Variants in FARP1 observed in about 807,000 individuals in gnomAD.
The protein encoded by FARP1 is FERM, ARH/RhoGEF and pleckstrin domain protein 1.
In FARP1, 52 loss-of-function variants were observed where a neutral mutation model predicts 128.8. That is an observed-to-expected ratio of 0.40 (90% confidence interval 0.32 to 0.51). The LOEUF (loss-of-function observed/expected upper bound fraction) is 0.51. FARP1 is among the 20% of genes least tolerant of loss of function. The pLI, the probability that FARP1 is intolerant of heterozygous loss-of-function variation, is 0.45. For synonymous variants in FARP1, 580 were observed against 551.8 expected, an observed-to-expected ratio of 1.05 and a Z score of -0.72; for missense variants, 1,333 against 1,367.9, an observed-to-expected ratio of 0.97 and a Z score of 0.40.
intron 1 of FARP1, among the ~76,000 whole-genome samples, chr13:98,164,223 AT>A (rs1566683899): frequency 6.6e-6 from 1 of 152,160 alleles, no homozygotes; most frequent in Non-Finnish European, 1.5e-5. Flanking sequence ...GTTTGCCTCC[AT>A]TTGTTAATTT....
At chr13:98,346,350 C>T (rs1216785366) in intron 3 of FARP1, among the ~76,000 whole-genome samples, 14 of 151,542 alleles carry the variant, frequency 9.2e-5, no homozygotes, top group Admixed American at 5.2e-4. Context: ...CCATCACGCC[C>T]GGCTAATTTT....
chr13:98,195,234 T>C (rs1484037524), intron 1 of FARP1, among the ~76,000 whole-genome samples: 2 of 152,196 alleles, frequency 1.3e-5, no homozygotes, highest in Non-Finnish European at 2.9e-5. Context: ...GACTTGGGAC[T>C]TAGCCCTCAA....
At chr13:98,257,637 G>T (rs1883673661) in intron 2 of FARP1, among the ~76,000 whole-genome samples, 1 of 152,190 alleles carries the variant, frequency 6.6e-6, no homozygotes, top group Non-Finnish European at 1.5e-5. Flanking sequence ...AGGCATGGTG[G>T]CATGTGCCTG....
rs754594177 is a variant in FARP1 at position 98,438,786 on chromosome 13, G to A, written c.2275-18G>A. 5 of 1,610,758 alleles carry A rather than the reference G, an allele frequency of 3.1e-6. No homozygotes were observed. The highest frequency in any genetic ancestry group is 2.2e-5 in the South Asian group (2 of 90,976). On this transcript the variant is annotated intron_variant, in intron 19 of 26. Transcript: ENST00000319562. ...TCCGCACGCTCGCAGCCAGCCCTCC[G>A]GTCTGTCTCCCCTGCAGGAGTTCAT...
intron 1 of FARP1, among the ~76,000 whole-genome samples, chr13:98,187,923 G>T (rs1195157219): frequency 1.3e-5 from 2 of 152,172 alleles, no homozygotes; most frequent in Non-Finnish European, 2.9e-5. Context: ...ACCCTCTTTG[G>T]GGAGTCAGTC....
chr13:98,198,216 G>C (rs1879699512), intron 1 of FARP1, among the ~76,000 whole-genome samples: 1 of 152,192 alleles, frequency 6.6e-6, no homozygotes, highest in Admixed American at 6.5e-5. Flanking sequence ...GTCTGCCAGT[G>C]AGCCCCAGGA....
intron 1 of FARP1, among the ~76,000 whole-genome samples, chr13:98,146,351 C>T (rs1256218926): frequency 3.9e-5 from 6 of 152,212 alleles, no homozygotes; most frequent in Non-Finnish European, 7.3e-5. Context: ...GCCTCAGCCT[C>T]CCCAGTAGCT....
At chr13:98,155,460 C>T (rs1269257373) in intron 1 of FARP1, among the ~76,000 whole-genome samples, 2 of 151,946 alleles carry the variant, frequency 1.3e-5, no homozygotes, top group Non-Finnish European at 2.9e-5. Flanking sequence ...GCTAGCTTCT[C>T]CCAGAGTGAG....
At chr13:98,172,451 AG>A (rs1379605090) in intron 1 of FARP1, among the ~76,000 whole-genome samples, 9 of 151,962 alleles carry the variant, frequency 5.9e-5, no homozygotes, top group Admixed American at 2.0e-4. Flanking sequence ...TCACCTCCCC[AG>A]GGGTTGTAGC....
chr13:98,427,854 C>T (rs1208821145), intron 17 of FARP1, among the ~76,000 whole-genome samples: 3 of 152,144 alleles, frequency 2.0e-5, no homozygotes, highest in Admixed American at 6.5e-5. Flanking sequence ...TAAAAATAGA[C>T]GGAGAGGTTG....
chr13:98,158,337 A>T (rs185761193), intron 1 of FARP1, among the ~76,000 whole-genome samples: 11 of 152,354 alleles, frequency 7.2e-5, no homozygotes, highest in Non-Finnish European at 1.5e-4. Context: ...TGGCTACAGA[A>T]CATGCATTGC....
At chr13:98,295,099 ACACACATATAT>A (rs2139678465) in intron 2 of FARP1, among the ~76,000 whole-genome samples, 3 of 27,224 alleles carry the variant, frequency 1.1e-4, no homozygotes, top group East Asian at 1.2e-3. Flanking sequence ...ACACACACAC[ACACACATATAT>A]CCCCAGGCAT....
At chr13:98,145,001 A>T (rs1444010428) in intron 1 of FARP1, among the ~76,000 whole-genome samples, 1 of 152,188 alleles carries the variant, frequency 6.6e-6, no homozygotes, top group Non-Finnish European at 1.5e-5. Flanking sequence ...GCAAGGCATC[A>T]ATATTGGAGT....
intron 2 of FARP1, among the ~76,000 whole-genome samples, chr13:98,235,206 G>A (rs1173788446): frequency 6.6e-6 from 1 of 152,042 alleles, no homozygotes; most frequent in African/African-American, 2.4e-5. Context: ...ACCTTCATCA[G>A]TTTTACAGAG....
chr13:98,426,606 A>G (rs1030398416), intron 17 of FARP1, among the ~76,000 whole-genome samples: 1 of 152,230 alleles, frequency 6.6e-6, no homozygotes, highest in Non-Finnish European at 1.5e-5. Flanking sequence ...TTTCCTGTCA[A>G]TCTCTCTTAA....
At chr13:98,247,224 G>A (rs1444394702) in intron 2 of FARP1, among the ~76,000 whole-genome samples, 5 of 152,100 alleles carry the variant, frequency 3.3e-5, no homozygotes, top group Non-Finnish European at 5.9e-5. Flanking sequence ...ACTGGGTGGC[G>A]GTGAGACTCT....
chr13:98,450,490 G>A lies in FARP1; in HGVS notation c.*2173G>A, dbSNP rs1893135984. ...TTCCAAGAAAATCAGAACCCAGCAA[G>A]AAGTGGCCAGTGCACCCCAAACCAC... On this transcript the variant is annotated 3_prime_UTR_variant, in exon 27 of 27. Coordinates refer to ENST00000319562, the MANE Select transcript of FARP1 (RefSeq NM_005766.4). 6.6e-6 allele frequency: 1 copy of A among 152,278 alleles called. No individual in the cohort carries two copies. The highest frequency in any genetic ancestry group is 6.5e-5 in the Admixed American group (1 of 15,278). The allele number at this position is 152,278 out of a possible 1,614,324, so 9.4% of individuals were successfully genotyped here.
At chr13:98,392,257 G>A (rs1385379346) in intron 11 of FARP1, among the ~76,000 whole-genome samples, 2 of 150,754 alleles carry the variant, frequency 1.3e-5, no homozygotes, top group African/African-American at 4.9e-5. Context: ...TGCCGAAGTG[G>A]GTGGATCACT....
At chr13:98,213,737 G>A (rs1021506530) in intron 2 of FARP1, among the ~76,000 whole-genome samples, 1 of 152,190 alleles carries the variant, frequency 6.6e-6, no homozygotes, top group Non-Finnish European at 1.5e-5. Flanking sequence ...GGAGGGAAGA[G>A]TGGTCTTGTG....
Sources: gnomAD v4.1 joint callset for allele counts (sites outside exome capture counted in the v4.1 genomes callset) on GRCh38, gnomAD v4.1.1 for gene constraint, MANE v1.5 for transcripts, NCBI Gene and HGNC (gene_info 2026-07-23, HGNC 2026-07-21) for gene names.